The following KCTD1 variants were observed in gnomAD, a reference collection of about 807,000 sequenced individuals.
The protein encoded by KCTD1 is potassium channel tetramerization domain containing 1.
Under a neutral mutation model 66.0 loss-of-function variants are expected in KCTD1, and 24 were observed. That is an observed-to-expected ratio of 0.36 (90% CI 0.26 to 0.51). The LOEUF (loss-of-function observed/expected upper bound fraction) is 0.51, where lower values mean the gene tolerates loss of function less well. KCTD1 is among the 20% of genes least tolerant of loss of function. The pLI, the probability that KCTD1 is intolerant of heterozygous loss-of-function variation, is 0.95. For missense variants in KCTD1, 943 were observed against 1,205.2 expected, an observed-to-expected ratio of 0.78 and a Z score of 3.22; for synonymous variants, 511 against 517.2, an observed-to-expected ratio of 0.99 and a Z score of 0.16.
chr18:26,615,419 G>A (rs144961736), intron 1 of KCTD1, among the ~76,000 whole-genome samples: 14 of 152,338 alleles, frequency 9.2e-5, no homozygotes, highest in African/African-American at 3.4e-4. Context: ...GGAGGAGTCC[G>A]TGGATAGAGA....
chr18:26,622,692 C>A (rs991590395), intron 1 of KCTD1, among the ~76,000 whole-genome samples: 1 of 151,678 alleles, frequency 6.6e-6, no homozygotes, highest in Admixed American at 6.6e-5. Context: ...TGGCAGAGGT[C>A]TCTGGGAAGA....
At chr18:26,571,713 C>G (rs1444580166) in intron 1 of KCTD1, among the ~76,000 whole-genome samples, 1 of 152,054 alleles carries the variant, frequency 6.6e-6, no homozygotes, top group African/African-American at 2.4e-5. Flanking sequence ...ATAGAGCCAA[C>G]TGTATATGGA....
intron 1 of KCTD1, among the ~76,000 whole-genome samples, chr18:26,540,166 A>G (rs1485154608): frequency 6.6e-6 from 1 of 152,184 alleles, no homozygotes; most frequent in Non-Finnish European, 1.5e-5. Flanking sequence ...AAGTAAAACT[A>G]GAAATTCATG....
intron 1 of KCTD1, among the ~76,000 whole-genome samples, chr18:26,528,856 C>T (rs149910225): frequency 6.6e-6 from 1 of 152,282 alleles, no homozygotes; most frequent in African/African-American, 2.4e-5. Context: ...AGTTCTATGC[C>T]GGCAACACTT....
intron 2 of KCTD1, among the ~76,000 whole-genome samples, chr18:26,483,772 CAT>C (rs763814964): frequency 3.3e-4 from 50 of 152,098 alleles, no homozygotes; most frequent in Non-Finnish European, 6.0e-4. Context: ...TGTGTGCACA[CAT>C]GAGAGGCATG....
intron 1 of KCTD1, among the ~76,000 whole-genome samples, chr18:26,588,227 G>A (rs545739313): frequency 4.9e-4 from 74 of 151,878 alleles, no homozygotes; most frequent in Non-Finnish European, 9.4e-4. Flanking sequence ...CCAGGTTACC[G>A]TAGGCTATGA....
chr18:26,503,915 G>A (rs2144690010), intron 1 of KCTD1, among the ~76,000 whole-genome samples: 1 of 152,308 alleles, frequency 6.6e-6, no homozygotes, highest in East Asian at 1.9e-4. Context: ...CCTTTGGTGA[G>A]CCCTCTTGGT....
At chr18:26,523,514 G>A (rs12457990) in intron 1 of KCTD1, among the ~76,000 whole-genome samples, 8,132 of 152,250 alleles carry the variant, frequency 0.053, 282 homozygotes, top group South Asian at 0.15. Flanking sequence ...AGCTGAGTGT[G>A]GTGGCTCAAG....
chr18:26,541,853 T>C (rs1485264335), intron 1 of KCTD1, among the ~76,000 whole-genome samples: 1 of 152,164 alleles, frequency 6.6e-6, no homozygotes, highest in Non-Finnish European at 1.5e-5. Flanking sequence ...CATGCTGTCA[T>C]AAAGACTCAA....
intron 1 of KCTD1, among the ~76,000 whole-genome samples, chr18:26,534,520 G>A (rs951049714): frequency 6.6e-6 from 1 of 152,038 alleles, no homozygotes; most frequent in African/African-American, 2.4e-5. Flanking sequence ...CTTTCAAAGA[G>A]AATACTGAAG....
At chr18:26,557,566 A>T (rs549471816) in intron 1 of KCTD1, among the ~76,000 whole-genome samples, 42 of 152,334 alleles carry the variant, frequency 2.8e-4, no homozygotes, top group Admixed American at 4.6e-4. Flanking sequence ...AGAGATTCTG[A>T]TTTAGCAGCT....
chr18:26,650,563 A>C (rs1988012278), intron 1 of KCTD1, among the ~76,000 whole-genome samples: 1 of 152,242 alleles, frequency 6.6e-6, no homozygotes, highest in South Asian at 2.1e-4. Flanking sequence ...TTTGTAGTTC[A>C]GAAAACTGAA....
chr18:26,530,025 T>C (rs978348946), intron 1 of KCTD1, among the ~76,000 whole-genome samples: 1 of 152,214 alleles, frequency 6.6e-6, no homozygotes, highest in Admixed American at 6.5e-5. Flanking sequence ...GGCCCTTCTC[T>C]TCTGTAGAAA....
intron 2 of KCTD1, among the ~76,000 whole-genome samples, chr18:26,492,879 C>T (rs138409655): frequency 1.3e-5 from 2 of 152,196 alleles, no homozygotes; most frequent in East Asian, 1.9e-4. Flanking sequence ...ACCGTCCCTA[C>T]CTATAAGGTT....
chr18:26,495,247 T>C (rs1567967651), intron 2 of KCTD1, among the ~76,000 whole-genome samples: 1 of 152,130 alleles, frequency 6.6e-6, no homozygotes, highest in Non-Finnish European at 1.5e-5. Flanking sequence ...CCAACCCTAA[T>C]ACAGGATTAC....
At chr18:26,617,481 A>G (rs73944662) in intron 1 of KCTD1, among the ~76,000 whole-genome samples, 2,241 of 152,334 alleles carry the variant, frequency 0.015, 55 homozygotes, top group African/African-American at 0.051. Context: ...ATGATATGGG[A>G]AAATCAGGAT....
chr18:26,641,572 C>T (rs1271138518), upstream of KCTD1, among the ~76,000 whole-genome samples: 2 of 152,082 alleles, frequency 1.3e-5, no homozygotes, highest in Admixed American at 6.5e-5. Flanking sequence ...TGCAGTAAGC[C>T]TCCCACCCCT....
upstream of KCTD1, chr18:26,640,352 G>A (rs535653794): frequency 3.9e-4 from 60 of 152,410 alleles, no homozygotes; most frequent in African/African-American, 1.4e-3. Flanking sequence ...TGGGGTAGCT[G>A]AGGTTCCTGG....
chr18:26,459,610 A>G lies in KCTD1; in HGVS notation c.2439+10T>C. 6.3e-7 allele frequency: 1 copy of G among 1,574,830 alleles called. No homozygotes were observed. Among genetic ancestry groups the G allele is most frequent in the South Asian group, 1.2e-5 (1 of 83,956 alleles). On this transcript the variant is annotated intron_variant, in intron 4 of 4. Coordinates refer to ENST00000580059, the MANE Select transcript of KCTD1 (RefSeq NM_001142730.3). ...CATTTGATGCCACACAGTGCGTAACAATGCTATACCTGGACTGAGTTGAGG... is the reference window on the plus strand; with the variant it reads ...CATTTGATGCCACACAGTGCGTAACGATGCTATACCTGGACTGAGTTGAGG...
Sources: gnomAD v4.1 joint callset for allele counts (sites outside exome capture counted in the v4.1 genomes callset) on GRCh38, gnomAD v4.1.1 for gene constraint, MANE v1.5 for transcripts, NCBI Gene and HGNC (gene_info 2026-07-23, HGNC 2026-07-21) for gene names.